The following PNP variants were observed in gnomAD, a reference collection of about 807,000 sequenced individuals.
PNP encodes the protein purine nucleoside phosphorylase, also known as HEL-S-156an.
A neutral mutation model predicts 26.8 loss-of-function variants in PNP; 18 were observed. The observed-to-expected ratio is 0.67, with a 90% CI of 0.46 to 1.00. The LOEUF is 1.00. Ranked by LOEUF, PNP falls within the 50% of genes least tolerant of loss-of-function variation. PNP has a pLI of 0.00. For synonymous variants in PNP, 116 were observed against 124.8 expected, an observed-to-expected ratio of 0.93 and a Z score of 0.47; for missense variants, 320 against 362.9, an observed-to-expected ratio of 0.88 and a Z score of 0.96.
At position 20,472,446 on chromosome 14, in the gene PNP, C is replaced by T. The variant is rs776910388; in HGVS notation, c.150C>T (p.Tyr50=). Reference sequence around the variant, plus strand: ...TAACTCAGGCCCAGATCTTTGACTACGGTGAAATCCCCAACTTTCCCCGAA... The same window carrying T: ...TAACTCAGGCCCAGATCTTTGACTATGGTGAAATCCCCAACTTTCCCCGAA... ...DKLTQAQIFD[Y]GEIPNFPRST... is the part of the protein sequence containing the mutation. Residue 50 remains tyrosine (Y), a synonymous_variant, in exon 2 of 6, where the codon TAC becomes TAT. Transcript: ENST00000361505. 27 of 1,613,896 alleles carry T rather than the reference C, an allele frequency of 1.7e-5. No individual in the cohort carries two copies. Among genetic ancestry groups the T allele is most frequent in the Middle Eastern group, 1.6e-4 (1 of 6,082 alleles).
intron 1 of PNP, 70 bp downstream of exon 1, chr14:20,469,605 C>G (rs1182382123): frequency 6.5e-7 from 1 of 1,543,824 alleles, no homozygotes; most frequent in African/African-American, 1.4e-5. Flanking sequence ...ACCTGGCACA[C>G]TGGGCCCAGA....
Position 20,474,904 on chromosome 14 carries a change from T to C in PNP, c.417T>C (p.Pro139=). ...TGATCCGTGACCATATCAACCTACC[T>C]GGTTTCAGTGGTCAGAACCCTCTCA... The part of the protein sequence containing the change: ...IMLIRDHINL[P]GFSGQNPLRG... Residue 139 remains proline, a synonymous_variant, in exon 4 of 6, where the codon CCT becomes CCC. Coordinates refer to ENST00000361505, the MANE Select transcript of PNP (RefSeq NM_000270.4). The C allele has an allele frequency of 6.2e-7, 1 of 1,614,168 alleles. No homozygotes were observed. Among genetic ancestry groups the C allele is most frequent in the Non-Finnish European group, 8.5e-7 (1 of 1,180,014 alleles).
chr14:20,475,030 G>A (rs368838271), intron 4 of PNP, 32 bp from the exon 5 acceptor site: 312 of 1,613,914 alleles, frequency 1.9e-4, no homozygotes, highest in Non-Finnish European at 2.4e-4. Flanking sequence ...TTAAAATTCC[G>A]TTTATGTGAG....
chr14:20,475,111 A>T lies in PNP; in HGVS notation c.511A>T (p.Arg171Trp). 1 of 1,614,192 alleles carries T rather than the reference A, an allele frequency of 6.2e-7. No individual in the cohort carries two copies. Among genetic ancestry groups the T allele is most frequent in the Non-Finnish European group, 8.5e-7 (1 of 1,180,040 alleles). Reference sequence around the variant, plus strand: ...GTCTGATGCCTACGACCGGACTATGAGGCAGAGGGCTCTCAGTACCTGGAA... The same window carrying T: ...GTCTGATGCCTACGACCGGACTATGTGGCAGAGGGCTCTCAGTACCTGGAA... The part of the protein sequence containing the change: ...AMSDAYDRTM[R>W]QRALSTWKQM... Residue 171 changes from arginine (R) to tryptophan (W), a missense_variant, in exon 5 of 6, where the codon AGG becomes TGG. By Grantham distance (101) the Arg-to-Trp change is moderately radical (BLOSUM62 -3). Transcript: ENST00000361505.
chr14:20,476,952 C>T lies in PNP; in HGVS notation c.*351C>T, dbSNP rs949102483. ...AACTTTGCATAGCAGCTGCTACTAG[C>T]TCTTTGAGATAATACATTCCGAGGG... On this transcript the variant is annotated 3_prime_UTR_variant, in exon 6 of 6. Coordinates refer to ENST00000361505, the MANE Select transcript of PNP (RefSeq NM_000270.4). 1 of 373,874 alleles carries T rather than the reference C, an allele frequency of 2.7e-6. No homozygotes were observed. Among genetic ancestry groups the T allele is most frequent in the South Asian group, 2.2e-5 (1 of 44,612 alleles). The allele number at this position is 373,874 out of a possible 1,614,324, so 23.2% of individuals were successfully genotyped here.
chr14:20,476,647 C>G lies in PNP; in HGVS notation c.*46C>G. 1 of 1,483,640 alleles carries G rather than the reference C, an allele frequency of 6.7e-7. No individual in the cohort carries two copies. The highest frequency in any genetic ancestry group is 9.4e-7 in the Non-Finnish European group (1 of 1,062,140). 91.9% of individuals were successfully genotyped at this position (1,483,640 alleles called of 1,614,324 possible). A position where few individuals can be genotyped will look rare whatever the true frequency, so the allele number is the denominator to read the frequency against. ...CATCTCCCACACAAGACCCAAGTAG[C>G]TGCTACCTTCTTTGGCCCCTTGCTG... On this transcript the variant is annotated 3_prime_UTR_variant, in exon 6 of 6. Transcript: ENST00000361505.
At position 20,474,562 on chromosome 14, in the gene PNP, A is replaced by G; in HGVS notation, c.272A>G (p.Tyr91Cys). ...MQGRFHMYEG[Y>C]PLWKVTFPVR... Reference sequence around the variant, plus strand: ...GGCAGGTTCCACATGTATGAAGGGTACCCACTCTGGAAGGTAAGTCAGAGG... The same window carrying G: ...GGCAGGTTCCACATGTATGAAGGGTGCCCACTCTGGAAGGTAAGTCAGAGG... The change falls in exon 3 of 6, where the codon TAC becomes TGC. Residue 91 changes from tyrosine (Y) to cysteine (C), a missense_variant. Physicochemically the swap from Tyr to Cys is radical, Grantham distance 194. Coordinates refer to ENST00000361505, the MANE Select transcript of PNP (RefSeq NM_000270.4). The G allele has an allele frequency of 1.2e-6, 2 of 1,613,964 alleles. No homozygotes were observed. Among genetic ancestry groups the G allele is most frequent in the Non-Finnish European group, 1.7e-6 (2 of 1,179,852 alleles).
chr14:20,476,304 T>A, intron 5 of PNP, 80 bp from the exon 6 acceptor site: 1 of 1,145,710 alleles, frequency 8.7e-7, no homozygotes, highest in Non-Finnish European at 1.3e-6. Flanking sequence ...TTTTAATTCT[T>A]GTTGAAAGCG....
chr14:20,475,481 C>T (rs1274021130), intron 5 of PNP, among the ~76,000 whole-genome samples: 2 of 152,104 alleles, frequency 1.3e-5, no homozygotes, highest in African/African-American at 4.8e-5. Context: ...ATGATCTATC[C>T]ATGATTTGAT....
intron 5 of PNP, among the ~76,000 whole-genome samples, chr14:20,475,962 A>G (rs554033738): frequency 2.0e-5 from 3 of 152,280 alleles, no homozygotes; most frequent in African/African-American, 7.2e-5. Flanking sequence ...AATACAGAAG[A>G]TAATTTAGCT....
chr14:20,475,284 G>A, intron 5 of PNP, 32 bp downstream of exon 5: 1 of 1,600,024 alleles, frequency 6.2e-7, no homozygotes, highest in Non-Finnish European at 8.5e-7. Context: ...GAAGCTTGAA[G>A]AGGGAGGGGT....
chr14:20,474,507 C>A lies in PNP; in HGVS notation c.217C>A (p.Leu73Met). ...TGCTGGCCGACTGGTGTTTGGGTTC[C>A]TGAATGGCAGGGCCTGTGTGATGAT... ...GHAGRLVFGFLNGRACVMMQG... is the reference protein window; with the variant it reads ...GHAGRLVFGFMNGRACVMMQG... The change falls in exon 3 of 6, where the codon CTG (leucine) becomes ATG (methionine). Residue 73 changes from leucine (L) to methionine (M), a missense_variant. Leu to Met is a conservative substitution (Grantham distance 15, BLOSUM62 2). Transcript: ENST00000361505. The A allele has an allele frequency of 6.2e-7, 1 of 1,614,116 alleles. No homozygotes were observed.
Position 20,475,125 on chromosome 14 carries a change from C to G in PNP, c.525C>G (p.Leu175=), listed in dbSNP as rs779697422. ...AYDRTMRQRA[L]STWKQMGEQR... ...ACCGGACTATGAGGCAGAGGGCTCT[C>G]AGTACCTGGAAACAAATGGGGGAGC... The change falls in exon 5 of 6, where the codon CTC becomes CTG. Residue 175 remains leucine (L), a synonymous_variant. Transcript: ENST00000361505. The G allele has an allele frequency of 3.1e-6, 5 of 1,614,092 alleles. No homozygotes were observed. The East Asian group carries it at 1.1e-4, about 36-fold the overall frequency.
intron 1 of PNP, among the ~76,000 whole-genome samples, chr14:20,471,436 T>TA (rs1881986759): frequency 6.6e-6 from 1 of 151,788 alleles, no homozygotes; most frequent in Non-Finnish European, 1.5e-5. Flanking sequence ...GTGTGTTTTT[T>TA]ATAGGGTCTC....
chr14:20,475,169 G>T lies in PNP; in HGVS notation c.569G>T (p.Gly190Val), dbSNP rs772212348. Reference sequence around the variant, plus strand: ...GGGGAGCAACGTGAGCTACAGGAAGGCACCTATGTGATGGTGGCAGGCCCC... The same window carrying T: ...GGGGAGCAACGTGAGCTACAGGAAGTCACCTATGTGATGGTGGCAGGCCCC... ...QMGEQRELQE[G>V]TYVMVAGPSF... is the part of the protein sequence containing the mutation. The change falls in exon 5 of 6, where the codon GGC (glycine) becomes GTC (valine). Residue 190 changes from glycine to valine, a missense_variant. Gly to Val is a moderately radical substitution (Grantham distance 109). Coordinates refer to ENST00000361505, the MANE Select transcript of PNP (RefSeq NM_000270.4). 5 of 1,614,098 alleles carry T rather than the reference G, an allele frequency of 3.1e-6. No homozygotes were observed. The South Asian group carries it at 4.4e-5, about 14-fold the overall frequency.
At chr14:20,472,195 T>A in intron 1 of PNP, 113 bp from the exon 2 acceptor site, 1 of 869,694 alleles carries the variant, frequency 1.1e-6, no homozygotes. Flanking sequence ...TGTGCCAGCT[T>A]CTCCGTCCCT....
intron 1 of PNP, 44 bp downstream of exon 1, chr14:20,469,579 G>A (rs758761080): frequency 1.9e-6 from 3 of 1,553,438 alleles, no homozygotes; most frequent in Admixed American, 2.0e-5. Context: ...GGAGGGGCAG[G>A]TGCTGTGACC....
Position 20,476,458 on chromosome 14 carries a change from A to C in PNP, c.727A>C (p.Asn243His). The change falls in exon 6 of 6, where the codon AAC becomes CAC. Residue 243 changes from asparagine (N) to histidine (H), a missense_variant. Asn to His is a moderately conservative substitution (Grantham distance 68, BLOSUM62 1). Coordinates refer to ENST00000361505, the MANE Select transcript of PNP (RefSeq NM_000270.4). ...AGTCTTTGGCTTCTCACTCATCACT[A>C]ACAAGGTCATCATGGATTATGAAAG... Reference protein sequence around the residue: ...LRVFGFSLITNKVIMDYESLE... With the variant: ...LRVFGFSLITHKVIMDYESLE... The C allele has an allele frequency of 6.2e-7, 1 of 1,614,188 alleles. No homozygotes were observed. Among genetic ancestry groups the C allele is most frequent in the Non-Finnish European group, 8.5e-7 (1 of 1,180,020 alleles).
chr14:20,469,652 A>C, intron 1 of PNP, 117 bp downstream of exon 1: 2 of 1,346,734 alleles, frequency 1.5e-6, no homozygotes, highest in Non-Finnish European at 2.1e-6. Context: ...CAGGGGATGC[A>C]GAGAGGCCTG....
Sources: gnomAD v4.1 joint callset for allele counts (sites outside exome capture counted in the v4.1 genomes callset) on GRCh38, gnomAD v4.1.1 for gene constraint, MANE v1.5 for transcripts, NCBI Gene and HGNC (gene_info 2026-07-23, HGNC 2026-07-21) for gene names.